GRM1: variants seen among roughly 807,000 people sequenced by gnomAD.
GRM1 encodes metabotropic glutamate receptor 1.
A neutral mutation model predicts 90.9 loss-of-function variants in GRM1; 33 were observed. That is an observed-to-expected ratio of 0.36 (90% confidence interval 0.28 to 0.49). GRM1 has a LOEUF of 0.49. Ranked by LOEUF, GRM1 falls within the 20% of genes least tolerant of loss-of-function variation. The pLI is 0.99. For missense variants in GRM1, 1,190 were observed against 1,534.3 expected (o/e 0.78, Z 3.75); for synonymous variants, 700 against 613.2 (o/e 1.14, Z -2.09).
At chr6:146,283,275 A>G (rs1001389052) in intron 2 of GRM1, among the ~76,000 whole-genome samples, 7 of 152,206 alleles carry the variant, frequency 4.6e-5, no homozygotes, top group Non-Finnish European at 7.3e-5. Flanking sequence ...GTGGTTTGTT[A>G]TAATTAAAGA....
intron 7 of GRM1, among the ~76,000 whole-genome samples, chr6:146,433,112 A>G (rs1023987556): frequency 2.6e-5 from 4 of 152,218 alleles, no homozygotes; most frequent in Non-Finnish European, 5.9e-5. Context: ...CTTTTCAAAT[A>G]CAGCTATTTC....
chr6:146,122,170 C>G (rs943884209), intron 1 of GRM1, among the ~76,000 whole-genome samples: 2 of 152,150 alleles, frequency 1.3e-5, no homozygotes, highest in African/African-American at 2.4e-5. Context: ...TAATTTTTGT[C>G]TAGATAAAAA....
intron 2 of GRM1, among the ~76,000 whole-genome samples, chr6:146,240,438 A>G (rs565544653): frequency 6.6e-6 from 1 of 151,700 alleles, no homozygotes; most frequent in Non-Finnish European, 1.5e-5. Flanking sequence ...GGAAACTGGT[A>G]CTATCTGTGG....
intron 2 of GRM1, among the ~76,000 whole-genome samples, chr6:146,243,440 A>G (rs1479171523): frequency 6.6e-6 from 1 of 152,024 alleles, no homozygotes; most frequent in Non-Finnish European, 1.5e-5. Flanking sequence ...TAATTCTTTC[A>G]TGCCAGAATT....
intron 7 of GRM1, among the ~76,000 whole-genome samples, chr6:146,406,474 C>A (rs189199668): frequency 6.6e-6 from 1 of 152,114 alleles, no homozygotes; most frequent in African/African-American, 2.4e-5. Flanking sequence ...AAGGTGTGTT[C>A]TTCTGGAATT....
chr6:146,340,603 T>C (rs144462456), intron 3 of GRM1: 1 of 152,498 alleles, frequency 6.6e-6, no homozygotes, highest in East Asian at 1.9e-4. Context: ...TGGAGTGCAG[T>C]GGTATGATAT....
chr6:146,422,479 A>G (rs1778030660), intron 7 of GRM1, among the ~76,000 whole-genome samples: 1 of 152,192 alleles, frequency 6.6e-6, no homozygotes, highest in Admixed American at 6.5e-5. Context: ...GGGTATTAAT[A>G]GCAATGGCTT....
At chr6:146,368,260 TGGG>T (rs200400693) in intron 5 of GRM1, among the ~76,000 whole-genome samples, 2 of 115,854 alleles carry the variant, frequency 1.7e-5, no homozygotes, top group African/African-American at 3.2e-5. Flanking sequence ...AGTTTTTTTT[TGGG>T]GGGGGGGGTA....
At chr6:146,112,917 C>A (rs1179432253) in intron 1 of GRM1, among the ~76,000 whole-genome samples, 3 of 152,114 alleles carry the variant, frequency 2.0e-5, no homozygotes, top group Non-Finnish European at 4.4e-5. Flanking sequence ...TGATTTTCAG[C>A]CATCTAGCTC....
intron 3 of GRM1, among the ~76,000 whole-genome samples, chr6:146,345,583 A>G (rs909959088): frequency 8.7e-4 from 133 of 152,324 alleles, no homozygotes; most frequent in Non-Finnish European, 2.9e-4. Context: ...GATACTCAGA[A>G]AGGACATACC....
At chr6:146,220,018 C>T (rs970011936) in intron 2 of GRM1, among the ~76,000 whole-genome samples, 11 of 151,752 alleles carry the variant, frequency 7.2e-5, no homozygotes, top group African/African-American at 1.9e-4. Flanking sequence ...AACAGATGAC[C>T]GTGAGTACGT....
intron 2 of GRM1, among the ~76,000 whole-genome samples, chr6:146,245,404 C>T (rs1450417812): frequency 6.6e-6 from 1 of 152,128 alleles, no homozygotes; most frequent in African/African-American, 2.4e-5. Context: ...TCTAAAATTT[C>T]AAGGTTTCTA....
chr6:146,240,144 G>A (rs1780800934), intron 2 of GRM1, among the ~76,000 whole-genome samples: 2 of 152,092 alleles, frequency 1.3e-5, no homozygotes, highest in Admixed American at 6.6e-5. Context: ...CCTCTGAGTT[G>A]CAAACACGTT....
chr6:146,060,158 A>C (rs914136400), intron 1 of GRM1, among the ~76,000 whole-genome samples: 1 of 152,074 alleles, frequency 6.6e-6, no homozygotes, highest in Non-Finnish European at 1.5e-5. Context: ...ACCAAGCTTA[A>C]TCATTTTTAA....
At chr6:146,331,445 A>G (rs1274027446) in intron 3 of GRM1, among the ~76,000 whole-genome samples, 1 of 152,222 alleles carries the variant, frequency 6.6e-6, no homozygotes, top group Non-Finnish European at 1.5e-5. Context: ...TATTGTACAA[A>G]CCAAAGAAGA....
At chr6:146,334,320 T>C (rs949029324) in intron 3 of GRM1, among the ~76,000 whole-genome samples, 1 of 152,224 alleles carries the variant, frequency 6.6e-6, no homozygotes, top group Non-Finnish European at 1.5e-5. Context: ...GTCTCTCTCA[T>C]GTCCCAGGTT....
Position 146,435,112 on chromosome 6 carries a change from A to C in GRM1, c.*316A>C. The C allele has an allele frequency of 2.1e-6, 1 of 485,730 alleles. No individual in the cohort carries two copies. Among genetic ancestry groups the C allele is most frequent in the Non-Finnish European group, 3.8e-6 (1 of 264,978 alleles). 30.1% of individuals were successfully genotyped at this position (485,730 alleles called of 1,614,324 possible). ...ATCACAAATCAAATAGTGACATCAC[A>C]AACATAATGTCCTCTTTTGCACAAT... On this transcript the variant is annotated 3_prime_UTR_variant, in exon 8 of 8. Transcript: ENST00000282753.
intron 2 of GRM1, among the ~76,000 whole-genome samples, chr6:146,179,316 T>C (rs192397009): frequency 1.4e-4 from 21 of 152,298 alleles, no homozygotes; most frequent in Admixed American, 1.4e-3. Flanking sequence ...ATCTTGATTT[T>C]GAGCTTGCAG....
intron 2 of GRM1, among the ~76,000 whole-genome samples, chr6:146,270,995 CTTCT>C (rs58034716): frequency 0.21 from 24,536 of 118,780 alleles, 6,140 homozygotes; most frequent in African/African-American, 0.59. Context: ...TCTTTCTTTC[CTTCT>C]TTCTTTCTTT....
Sources: gnomAD v4.1 joint callset for allele counts (sites outside exome capture counted in the v4.1 genomes callset) on GRCh38, gnomAD v4.1.1 for gene constraint, MANE v1.5 for transcripts, NCBI Gene and HGNC (gene_info 2026-07-23, HGNC 2026-07-21) for gene names.